The following TRPM2 variants were observed in gnomAD, a reference collection of about 807,000 sequenced individuals.
The protein encoded by TRPM2 is transient receptor potential cation channel subfamily M member 2.
A neutral mutation model predicts 174.0 loss-of-function variants in TRPM2; 161 were observed. The observed-to-expected ratio is 0.93, with a 90% CI of 0.81 to 1.05. The LOEUF is 1.05. Ranked by LOEUF, TRPM2 falls within the 50% of genes least tolerant of loss-of-function variation. TRPM2 has a pLI of 0.00. For missense variants in TRPM2, 2,057 were observed against 2,038.0 expected, an observed-to-expected ratio of 1.01 and a Z score of -0.18; for synonymous variants, 954 against 861.3, an observed-to-expected ratio of 1.11 and a Z score of -1.88.
chr21:44,425,681 G>A lies in TRPM2; in HGVS notation c.3649G>A (p.Ala1217Thr), dbSNP rs1327736200. The change falls in exon 25 of 32, where the codon GCC (alanine) becomes ACC (threonine). Residue 1217 changes from alanine to threonine, a missense_variant. Ala to Thr is a moderately conservative substitution (Grantham distance 58). Coordinates refer to ENST00000397928, the MANE Select transcript of TRPM2 (RefSeq NM_003307.4). Reference sequence around the variant, plus strand: ...CTGACTGTCCCCAGCCTCCCAGAAGGCCGCGGAGGAGCCGGATGCTGAGCC... The same window carrying A: ...CTGACTGTCCCCAGCCTCCCAGAAGACCGCGGAGGAGCCGGATGCTGAGCC... ...ADVPTLASQKAAEEPDAEPGG... is the reference protein window; with the variant it reads ...ADVPTLASQKTAEEPDAEPGG... 2 of 1,528,044 alleles carry A rather than the reference G, an allele frequency of 1.3e-6. No individual in the cohort carries two copies. The highest frequency in any genetic ancestry group is 1.4e-5 in the African/African-American group (1 of 72,836). 94.7% of individuals were successfully genotyped at this position (1,528,044 alleles called of 1,614,324 possible). A position where few individuals can be genotyped will look rare whatever the true frequency, so the allele number is the denominator to read the frequency against.
intron 2 of TRPM2, among the ~76,000 whole-genome samples, chr21:44,359,508 C>T (rs147032245): frequency 1.6e-3 from 247 of 151,602 alleles, no homozygotes; most frequent in African/African-American, 5.7e-3. Context: ...CAATACGTGG[C>T]GGGGAAACCT....
rs375948686 is a variant in TRPM2 at position 44,366,390 on chromosome 21, A to G, written c.424-364A>G. Among the ~76,000 whole-genome samples the G allele has an allele frequency of 2.6e-3, 389 of 150,000 alleles. 2 individuals carry two copies. Among genetic ancestry groups the G allele is most frequent in the African/African-American group, 9.6e-3 (379 of 39,512 alleles). ...TGCAGGAGCTGATTAGACCCGGGGG[A>G]GGCAGGGCCCAGGCGCTACGGCGGG... is the stretch of plus-strand genomic sequence containing the variant. On this transcript the variant is annotated intron_variant, in intron 3 of 31. Coordinates refer to ENST00000397928, the MANE Select transcript of TRPM2 (RefSeq NM_003307.4). This position sits in a 1 kb window ranked among gnomAD's most constrained non-coding sequence, Gnocchi z 6.0.
In TRPM2 at chr21:44,354,696, T is replaced by C; in HGVS notation, c.214T>C (p.Cys72Arg). The C allele has an allele frequency of 1.2e-6, 2 of 1,614,192 alleles. No homozygotes were observed. Among genetic ancestry groups the C allele is most frequent in the Non-Finnish European group, 1.7e-6 (2 of 1,180,038 alleles). ...TCCTGAAAACATCAAGAAGAAAGAA[T>C]GCGTGTATTTTGTGGAAAGTTCCAA... ...WIPENIKKKE[C>R]VYFVESSKLS... The change falls in exon 2 of 32, where the codon TGC becomes CGC. Residue 72 changes from cysteine (C) to arginine (R), a missense_variant. Coordinates refer to ENST00000397928, the MANE Select transcript of TRPM2 (RefSeq NM_003307.4). The surrounding 1 kb of genome is among the most constrained non-coding windows in gnomAD (Gnocchi z 4.3).
Position 44,377,758 on chromosome 21 carries a change from C to T in TRPM2, c.999C>T (p.Gly333=). ...IPIVCVVLEG[G]PGTLHTIDNA... ...TCGTGTGCGTGGTGCTGGAGGGCGG[C>T]CCGGGCACGTTGCACGTGAGTATGG... The change falls in exon 7 of 32, where the codon GGC becomes GGT. Residue 333 remains glycine, a synonymous_variant. Coordinates refer to ENST00000397928, the MANE Select transcript of TRPM2 (RefSeq NM_003307.4). 1.9e-6 allele frequency: 3 copies of T among 1,614,150 alleles called. No homozygotes were observed. The highest frequency in any genetic ancestry group is 1.7e-6 in the Non-Finnish European group (2 of 1,180,036).
At chr21:44,405,420 C>T (rs993000933) in intron 17 of TRPM2, among the ~76,000 whole-genome samples, 160 bp downstream of exon 17, 1 of 152,180 alleles carries the variant, frequency 6.6e-6, no homozygotes, top group Non-Finnish European at 1.5e-5. Flanking sequence ...AACAGCGCCC[C>T]ACCTACCCTT....
At chr21:44,377,805 TGGGCCCGTCCTGCTGCA>T in intron 7 of TRPM2, 32 bp downstream of exon 7, 1 of 1,612,758 alleles carries the variant, frequency 6.2e-7, no homozygotes, top group Non-Finnish European at 8.5e-7. Context: ...GGGGCATGTG[TGGGCCCGTCCTGCTGCA>T]GGCAGATGAC....
At chr21:44,403,149 C>T (rs1056912392) in intron 16 of TRPM2, among the ~76,000 whole-genome samples, 3 of 152,178 alleles carry the variant, frequency 2.0e-5, no homozygotes, top group Non-Finnish European at 4.4e-5. Context: ...CCATGCACCC[C>T]CAGCCCCAGC....
rs530831959 is a variant in TRPM2, at chr21:44,399,513, G to A, written c.2208+72G>A. ...GCAGGGCGGACACAGCCTCCTGTTC[G>A]TGCAGTTGGCACGCACACTCACACA... is the stretch of plus-strand genomic sequence containing the variant. On this transcript the variant is annotated intron_variant, in intron 14 of 31. Transcript: ENST00000397928. The surrounding 1 kb of genome is among the most constrained non-coding windows in gnomAD (Gnocchi z 4.6). 99 of 1,536,912 alleles carry A rather than the reference G, an allele frequency of 6.4e-5. No homozygotes were observed. In the African/African-American group the frequency reaches 1.2e-3, roughly 18 times the overall value.
Position 44,399,544 on chromosome 21 carries a change from C to T in TRPM2, c.2208+103C>T. On this transcript the variant is annotated intron_variant, in intron 14 of 31. Transcript: ENST00000397928. The surrounding 1 kb of genome is among the most constrained non-coding windows in gnomAD (Gnocchi z 4.6). ...TTGGCACGCACACTCACACAGGCTT[C>T]AGGGCCCTCAGCAGCTCGGGGACAG... is the stretch of plus-strand genomic sequence containing the variant. 1 of 1,447,698 alleles carries T rather than the reference C, an allele frequency of 6.9e-7. No homozygotes were observed. Among genetic ancestry groups the T allele is most frequent in the South Asian group, 1.4e-5 (1 of 71,014 alleles). 89.7% of individuals were successfully genotyped at this position (1,447,698 alleles called of 1,614,324 possible).
chr21:44,353,807 G>A lies in TRPM2; in HGVS notation c.107G>A (p.Ser36Asn). Reference protein sequence around the residue: ...DLGMVSNLRRSNSSLFKSWRL... With the variant: ...DLGMVSNLRRNNSSLFKSWRL... The stretch of plus-strand genomic sequence containing the variant: ...GGGATGGTCTCCAATCTCCGGCGCA[G>A]CAACAGCAGCCTCTTCAAGAGCTGG... Residue 36 changes from serine to asparagine, a missense_variant, in exon 1 of 32, where the codon AGC becomes AAC. Coordinates refer to ENST00000397928, the MANE Select transcript of TRPM2 (RefSeq NM_003307.4). 6.2e-7 allele frequency: 1 copy of A among 1,600,810 alleles called. No homozygotes were observed. The highest frequency in any genetic ancestry group is 1.7e-5 in the Admixed American group (1 of 57,790).
At chr21:44,397,206 T>C (rs1334128298) in intron 12 of TRPM2, among the ~76,000 whole-genome samples, 23 of 152,000 alleles carry the variant, frequency 1.5e-4, no homozygotes, top group Non-Finnish European at 2.8e-4. Flanking sequence ...GCCTGGCTAA[T>C]TTTTTATAAT....
chr21:44,406,636 G>GT lies in TRPM2; in HGVS notation c.2834dup (p.Val946GlyfsTer62). The GT allele has an allele frequency of 6.2e-7, 1 of 1,610,960 alleles. No individual in the cohort carries two copies. Among genetic ancestry groups the GT allele is most frequent in the African/African-American group, 1.3e-5 (1 of 74,946 alleles). ...CTTCCTCTTCCTGCTGGCTGTGTGG[G>GT]TGGTGTCCTTCGGGGTGGCCAAGCA... On this transcript the variant is annotated frameshift_variant, in exon 19 of 32. Coordinates refer to ENST00000397928, the MANE Select transcript of TRPM2 (RefSeq NM_003307.4). LOFTEE classifies it high-confidence loss of function.
rs188281477 is a variant in TRPM2, at chr21:44,427,348, G to A, written c.3974+237G>A. On this transcript the variant is annotated intron_variant, in intron 27 of 31. Coordinates refer to ENST00000397928, the MANE Select transcript of TRPM2 (RefSeq NM_003307.4). ...CAGGCCCTGCCCCATGGTCCCTGCC[G>A]TAATCTGGGGACGTGGATTTGTCTG... is the stretch of plus-strand genomic sequence containing the variant. 1.6e-3 allele frequency among the ~76,000 whole-genome samples: 251 copies of A among 152,358 alleles called. 1 individual carries two copies. The highest frequency in any genetic ancestry group is 5.5e-3 in the African/African-American group (230 of 41,580).
chr21:44,351,746 C>T (rs2122922004), upstream of TRPM2, among the ~76,000 whole-genome samples: 3 of 152,208 alleles, frequency 2.0e-5, no homozygotes, highest in African/African-American at 7.2e-5. Context: ...TTGGCCCCCC[C>T]ACAGCGGGCA....
rs538703197 is a variant in TRPM2 at position 44,381,564 on chromosome 21, G to C, written c.1216-1154G>C. ...GGGATAGGTGGGTAGCTAGATGATA[G>C]GTAGATTAGATGGATGGATGGATGG... On this transcript the variant is annotated intron_variant, in intron 8 of 31. Transcript: ENST00000397928. Among the ~76,000 whole-genome samples the C allele has an allele frequency of 2.8e-4, 43 of 151,846 alleles. 2 individuals carry two copies. In the South Asian group the frequency reaches 9.0e-3, roughly 32 times the overall value.
chr21:44,427,116 G>T lies in TRPM2; in HGVS notation c.3974+5G>T. ...AGTGCAGGCCGGGTTGCCCCTGTGAGTGTGCCCCCTGCGGGCCCCGCCCCG... is the reference window on the plus strand; with the variant it reads ...AGTGCAGGCCGGGTTGCCCCTGTGATTGTGCCCCCTGCGGGCCCCGCCCCG... On this transcript the variant is annotated splice_donor_5th_base_variant and intron_variant, in intron 27 of 31. Transcript: ENST00000397928. 1 of 1,581,222 alleles carries T rather than the reference G, an allele frequency of 6.3e-7. No homozygotes were observed. Among genetic ancestry groups the T allele is most frequent in the South Asian group, 1.2e-5 (1 of 86,788 alleles).
rs140021787 is a variant in TRPM2 at position 44,432,708 on chromosome 21, C to T, written c.3975-2423C>T. On this transcript the variant is annotated intron_variant, in intron 27 of 31. Coordinates refer to ENST00000397928, the MANE Select transcript of TRPM2 (RefSeq NM_003307.4). This position sits in a 1 kb window ranked among gnomAD's most constrained non-coding sequence, Gnocchi z 4.9. ...ATCCACTCCACTTGGGCTTTGCTTG[C>T]CCCCTCTTTCTGAGATGGATTGAGG... is the stretch of plus-strand genomic sequence containing the variant. Among the ~76,000 whole-genome samples the T allele has an allele frequency of 1.4e-4, 21 of 152,278 alleles. No homozygotes were observed. The highest frequency in any genetic ancestry group is 2.4e-4 in the Non-Finnish European group (16 of 68,034).
At position 44,441,974 on chromosome 21, in the gene TRPM2, C is replaced by A; in HGVS notation, c.*157C>A. 2 of 1,109,964 alleles carry A rather than the reference C, an allele frequency of 1.8e-6. No individual in the cohort carries two copies. The highest frequency in any genetic ancestry group is 2.4e-6 in the Non-Finnish European group (2 of 833,530). 68.8% of individuals were successfully genotyped at this position (1,109,964 alleles called of 1,614,324 possible). On this transcript the variant is annotated 3_prime_UTR_variant, in exon 32 of 32. Transcript: ENST00000397928. Reference sequence around the variant, plus strand: ...GCCCCTCACGGCTGCCGCAAGTCTGCTGCAGATGACCTCATGAACTGGAAG... The same window carrying A: ...GCCCCTCACGGCTGCCGCAAGTCTGATGCAGATGACCTCATGAACTGGAAG...
In TRPM2 at chr21:44,438,276, C is replaced by T. The variant is rs1414088823; in HGVS notation, c.4168-791C>T. 1.3e-5 allele frequency among the ~76,000 whole-genome samples: 2 copies of T among 152,216 alleles called. No homozygotes were observed. Among genetic ancestry groups the T allele is most frequent in the East Asian group, 1.9e-4 (1 of 5,184 alleles). On this transcript the variant is annotated intron_variant, in intron 29 of 31. Transcript: ENST00000397928. The surrounding 1 kb of genome is among the most constrained non-coding windows in gnomAD (Gnocchi z 5.9). ...GCACACCTGGCCCTGGAACACGAGT[C>T]ACCCTCCGCTCTCTGGCACTTTGGC...
Sources: gnomAD v4.1 joint callset for allele counts (sites outside exome capture counted in the v4.1 genomes callset) on GRCh38, gnomAD v4.1.1 for gene constraint, Gnocchi (gnomAD v3.1) non-coding constraint, MANE v1.5 for transcripts, NCBI Gene and HGNC (gene_info 2026-07-23, HGNC 2026-07-21) for gene names.